Variants in ZNF709 observed in about 807,000 individuals in gnomAD.
ZNF709 encodes the protein zinc finger protein 709.
In ZNF709, 15 loss-of-function variants were observed where a neutral mutation model predicts 10.6. The ratio of observed to expected loss-of-function variants is 1.41; its 90% CI spans 0.95 to 2.18. ZNF709 has a LOEUF of 2.18. Among genes scored for constraint, ZNF709 ranks in the 30% most tolerant of loss-of-function variants. ZNF709 has a pLI of 0.00. For synonymous variants in ZNF709, 194 were observed against 238.8 expected (o/e 0.81, Z 1.73); for missense variants, 589 against 774.0 (o/e 0.76, Z 2.84).
chr19:12,479,698 G>A (rs900116773), intron 1 of ZNF709, among the ~76,000 whole-genome samples: 86 of 152,062 alleles, frequency 5.7e-4, no homozygotes, highest in Middle Eastern at 3.4e-3. Flanking sequence ...GTGAAACCTC[G>A]TCTCTACTAA....
chr19:12,481,910 TAAA>T (rs34258868), intron 1 of ZNF709, among the ~76,000 whole-genome samples: 2 of 118,200 alleles, frequency 1.7e-5, no homozygotes, highest in Non-Finnish European at 1.7e-5. Flanking sequence ...GACACTGACT[TAAA>T]AAAAAAAAAA....
chr19:12,484,654 C>G lies in ZNF709; in HGVS notation c.3+1G>C. On this transcript the variant is annotated splice_donor_variant, in intron 1 of 3. Coordinates refer to ENST00000397732, the MANE Select transcript of ZNF709 (RefSeq NM_152601.4). LOFTEE classifies it high-confidence loss of function. Reference sequence around the variant, plus strand: ...CAAGACCCCCAGCCCCGCACACTTACCATTTCCCAGACTCTGGGATGTCCT... The same window carrying G: ...CAAGACCCCCAGCCCCGCACACTTAGCATTTCCCAGACTCTGGGATGTCCT... The G allele has an allele frequency of 6.2e-7, 1 of 1,613,978 alleles. No individual in the cohort carries two copies. The highest frequency in any genetic ancestry group is 8.5e-7 in the Non-Finnish European group (1 of 1,179,910).
Position 12,463,950 on chromosome 19 carries a change from A to T in ZNF709, c.*46T>A. On this transcript the variant is annotated 3_prime_UTR_variant, in exon 4 of 4. Transcript: ENST00000397732. ...TCAAAAAAAAAAAAAAAAAAAAAGG[A>T]AATAGGACAACTGAAAACTTTGCCA... The T allele has an allele frequency of 7.5e-7, 1 of 1,334,538 alleles. No individual in the cohort carries two copies. The highest frequency in any genetic ancestry group is 9.8e-7 in the Non-Finnish European group (1 of 1,019,430). 82.7% of individuals were successfully genotyped at this position (1,334,538 alleles called of 1,614,324 possible). A position where few individuals can be genotyped will look rare whatever the true frequency, so the allele number is the denominator to read the frequency against.
At chr19:12,482,462 T>C (rs759976533) in intron 1 of ZNF709, among the ~76,000 whole-genome samples, 7 of 152,092 alleles carry the variant, frequency 4.6e-5, no homozygotes, top group Non-Finnish European at 7.4e-5. Flanking sequence ...CTTCAATTGT[T>C]GTAAGTGAGG....
At chr19:12,477,882 G>A (rs1404592678) in intron 1 of ZNF709, among the ~76,000 whole-genome samples, 1 of 152,054 alleles carries the variant, frequency 6.6e-6, no homozygotes, top group Non-Finnish European at 1.5e-5. Flanking sequence ...TACAGGGGAG[G>A]GGTGTTCTTT....
At chr19:12,469,400 T>C (rs1401081955) in intron 1 of ZNF709, among the ~76,000 whole-genome samples, 1 of 152,114 alleles carries the variant, frequency 6.6e-6, no homozygotes, top group African/African-American at 2.4e-5. Flanking sequence ...CCCTGTCCCA[T>C]TTGATGGAGG....
chr19:12,477,719 C>T (rs796819185), intron 1 of ZNF709, among the ~76,000 whole-genome samples: 11 of 152,148 alleles, frequency 7.2e-5, no homozygotes, highest in African/African-American at 2.7e-4. Context: ...TCTTTTTTGC[C>T]GTCTAAATTC....
chr19:12,484,562 G>T, intron 1 of ZNF709, 93 bp downstream of exon 1: 1 of 1,495,866 alleles, frequency 6.7e-7, no homozygotes, highest in Non-Finnish European at 9.0e-7. Context: ...GGGAGACAAC[G>T]GCGGGGAGGC....
chr19:12,480,552 G>A (rs1156928781), intron 1 of ZNF709, among the ~76,000 whole-genome samples: 10 of 151,948 alleles, frequency 6.6e-5, no homozygotes, highest in Non-Finnish European at 1.2e-4. Flanking sequence ...GCGTGGTGGC[G>A]AGCGCCTGTA....
rs1377499502 is a variant in ZNF709 at position 12,464,607 on chromosome 19, C to G, written c.1315G>C (p.Glu439Gln). 6.2e-7 allele frequency: 1 copy of G among 1,612,436 alleles called. No individual in the cohort carries two copies. Among genetic ancestry groups the G allele is most frequent in the Admixed American group, 1.7e-5 (1 of 59,766 alleles). Reference protein sequence around the residue: ...FSCSSSVRIHERTHTGEKPYE... With the variant: ...FSCSSSVRIHQRTHTGEKPYE... Reference sequence around the variant, plus strand: ...GGTTTCTCTCCAGTGTGAGTCCTTTCATGTATTCGAACAGAACTGGAACAA... The same window carrying G: ...GGTTTCTCTCCAGTGTGAGTCCTTTGATGTATTCGAACAGAACTGGAACAA... Residue 439 changes from glutamate to glutamine, a missense_variant, in exon 4 of 4, where the codon GAA (glutamate) becomes CAA (glutamine). Coordinates refer to ENST00000397732, the MANE Select transcript of ZNF709 (RefSeq NM_152601.4).
intron 1 of ZNF709, among the ~76,000 whole-genome samples, chr19:12,471,627 G>A (rs948494905): frequency 2.6e-5 from 4 of 152,214 alleles, no homozygotes; most frequent in African/African-American, 7.2e-5. Flanking sequence ...GAACAAGGGA[G>A]GGGAAAAGTG....
chr19:12,481,760 A>G (rs1970728994), intron 1 of ZNF709, among the ~76,000 whole-genome samples: 1 of 152,006 alleles, frequency 6.6e-6, no homozygotes, highest in African/African-American at 2.4e-5. Context: ...AAATTTACAA[A>G]TTCAGGTGTG....
chr19:12,482,183 A>ACACG (rs1555694487), intron 1 of ZNF709, among the ~76,000 whole-genome samples: 2 of 149,880 alleles, frequency 1.3e-5, no homozygotes, highest in African/African-American at 2.5e-5. Context: ...ACACACACAC[A>ACACG]CGCTCCCTCT....
chr19:12,468,153 A>G (rs1970600494), intron 1 of ZNF709, among the ~76,000 whole-genome samples: 1 of 152,046 alleles, frequency 6.6e-6, no homozygotes, highest in African/African-American at 2.4e-5. Context: ...CTGGGAAGTG[A>G]GGAGCCCCTC....
At chr19:12,467,731 TG>T (rs1304517541) in intron 1 of ZNF709, among the ~76,000 whole-genome samples, 1 of 145,150 alleles carries the variant, frequency 6.9e-6, no homozygotes, top group Non-Finnish European at 1.5e-5. Context: ...GTCTGAGAGG[TG>T]GGGAGCGCCT....
chr19:12,463,841 C>A lies in ZNF709; in HGVS notation c.*155G>T, dbSNP rs748403906. 1 of 518,578 alleles carries A rather than the reference C, an allele frequency of 1.9e-6. No homozygotes were observed. Among genetic ancestry groups the A allele is most frequent in the African/African-American group, 2.0e-5 (1 of 49,260 alleles). The allele number at this position is 518,578 out of a possible 1,614,324, so 32.1% of individuals were successfully genotyped here. ...ACTCAGGAAGCTGAGGCAGGAGAAT[C>A]GCTTGAACCCAGGAGACAGAGGTTG... On this transcript the variant is annotated 3_prime_UTR_variant, in exon 4 of 4. Transcript: ENST00000397732.
intron 1 of ZNF709, among the ~76,000 whole-genome samples, chr19:12,482,156 AACAC>A (rs34621481): frequency 1.8e-4 from 23 of 128,450 alleles, no homozygotes; most frequent in Admixed American, 3.2e-4. Flanking sequence ...CACACACACA[AACAC>A]ACACACACAC....
At chr19:12,482,601 C>T (rs1225368403) in intron 1 of ZNF709, among the ~76,000 whole-genome samples, 1 of 152,106 alleles carries the variant, frequency 6.6e-6, no homozygotes, top group Non-Finnish European at 1.5e-5. Context: ...ACACTGAGTG[C>T]ACCTACACAA....
intron 1 of ZNF709, among the ~76,000 whole-genome samples, chr19:12,467,150 C>T (rs1383661187): frequency 1.3e-5 from 2 of 152,204 alleles, no homozygotes; most frequent in East Asian, 3.9e-4. Context: ...CCACGGTCTC[C>T]CTCTCCCTCT....
Sources: allele counts gnomAD v4.1 joint callset (sites outside exome capture counted in the v4.1 genomes callset), GRCh38; gene constraint gnomAD v4.1.1; transcripts MANE v1.5; gene names NCBI Gene and HGNC (gene_info 2026-07-23, HGNC 2026-07-21).